MAP1A: variants seen among roughly 807,000 people sequenced by gnomAD.
MAP1A encodes the protein microtubule-associated protein 1A.
MAP1A carries 42 observed loss-of-function variants against 185.9 expected under a neutral mutation model. The observed-to-expected ratio is 0.23, with a 90% confidence interval of 0.18 to 0.29. The LOEUF (loss-of-function observed/expected upper bound fraction) is 0.29. MAP1A is among the 10% of genes least tolerant of loss of function. MAP1A has a pLI of 1.00. For synonymous variants in MAP1A, 1,229 were observed against 1,335.9 expected (o/e 0.92, Z 1.74); for missense variants, 2,995 against 3,450.4 (o/e 0.87, Z 3.31).
At position 43,522,577 on chromosome 15, in the gene MAP1A, G is replaced by A; in HGVS notation, c.1104G>A (p.Glu368=). The part of the protein sequence containing the change: ...KTEKKAKESS[E]KPPEKPAKPE... The stretch of plus-strand genomic sequence containing the variant: ...AGAAGAAGGCAAAAGAGTCATCTGA[G>A]AAGCCCCCAGAGAAGCCTGCCAAGC... The change falls in exon 4 of 6, where the codon GAG becomes GAA. Residue 368 remains glutamate, a synonymous_variant. Transcript: ENST00000300231. This position sits in a 1 kb window ranked among gnomAD's most constrained non-coding sequence, Gnocchi z 5.9. 1 of 1,611,372 alleles carries A rather than the reference G, an allele frequency of 6.2e-7. No individual in the cohort carries two copies. The highest frequency in any genetic ancestry group is 8.5e-7 in the Non-Finnish European group (1 of 1,178,644).
At chr15:43,512,726 C>T (rs985858990), upstream of MAP1A, among the ~76,000 whole-genome samples, 3 of 152,160 alleles carry the variant, frequency 2.0e-5, no homozygotes, top group African/African-American at 7.2e-5. Flanking sequence ...TTAGGCTGCA[C>T]AGGTTTCAGG....
In MAP1A at chr15:43,526,477, C is replaced by G. The variant is rs1255313611; in HGVS notation, c.5004C>G (p.Ala1668=). 1 of 1,614,058 alleles carries G rather than the reference C, an allele frequency of 6.2e-7. No homozygotes were observed. Among genetic ancestry groups the G allele is most frequent in the Non-Finnish European group, 8.5e-7 (1 of 1,180,004 alleles). The change falls in exon 4 of 6, where the codon GCC becomes GCG. Residue 1668 remains alanine, a synonymous_variant. Coordinates refer to ENST00000300231, the MANE Select transcript of MAP1A (RefSeq NM_002373.6). This position sits in a 1 kb window ranked among gnomAD's most constrained non-coding sequence, Gnocchi z 4.7. ...CGGCTGGAGAACAGAAAGAGCTTGCCCCGGCATGGGAGGACACATCTCCTG... is the reference window on the plus strand; with the variant it reads ...CGGCTGGAGAACAGAAAGAGCTTGCGCCGGCATGGGAGGACACATCTCCTG... ...EEPAGEQKEL[A]PAWEDTSPEQ...
In MAP1A at chr15:43,522,171, A is replaced by T. The variant is rs772286968; in HGVS notation, c.698A>T (p.Asn233Ile). The T allele has an allele frequency of 6.2e-7, 1 of 1,614,134 alleles. No individual in the cohort carries two copies. Among genetic ancestry groups the T allele is most frequent in the Non-Finnish European group, 8.5e-7 (1 of 1,180,056 alleles). The change falls in exon 4 of 6, where the codon AAT becomes ATT. Residue 233 changes from asparagine to isoleucine, a missense_variant. Asn to Ile is a moderately radical substitution (Grantham distance 149, BLOSUM62 -3). This residue lies in a region of MAP1A where 264 missense variants were observed against 435.3 expected (regional missense o/e 0.61). Coordinates refer to ENST00000300231, the MANE Select transcript of MAP1A (RefSeq NM_002373.6). This position sits in a 1 kb window ranked among gnomAD's most constrained non-coding sequence, Gnocchi z 5.9. The stretch of plus-strand genomic sequence containing the variant: ...GCCAAGACAGGCATCGTGCTGCCCA[A>T]TGGGAAGGAGGCTGAGATCTCCGTG... ...SKAKTGIVLPNGKEAEISVPY... is the reference protein window; with the variant it reads ...SKAKTGIVLPIGKEAEISVPY...
chr15:43,529,534 A>AGAGTGTGGGTTAGGGCT lies in MAP1A; in HGVS notation c.8035+28_8035+44dup. On this transcript the variant is annotated intron_variant, in intron 4 of 5. Transcript: ENST00000300231. This position sits in a 1 kb window ranked among gnomAD's most constrained non-coding sequence, Gnocchi z 4.3. ...GTAAGTATATCATGAAACTTGGCAGAGAGTGTGGGTTAGGGCTGGGTGTGG... is the reference window on the plus strand; with the variant it reads ...GTAAGTATATCATGAAACTTGGCAGAGAGTGTGGGTTAGGGCTGAGTGTGGGTTAGGGCTGGGTGTGG... The AGAGTGTGGGTTAGGGCT allele has an allele frequency of 6.2e-7, 1 of 1,600,382 alleles. No individual in the cohort carries two copies. Among genetic ancestry groups the AGAGTGTGGGTTAGGGCT allele is most frequent in the Non-Finnish European group, 8.5e-7 (1 of 1,171,260 alleles).
In MAP1A at chr15:43,522,812, G is replaced by A; in HGVS notation, c.1339G>A (p.Glu447Lys). The change falls in exon 4 of 6, where the codon GAG becomes AAG. Residue 447 changes from glutamate to lysine, a missense_variant. Around this residue, in one of 3 missense-constraint regions of MAP1A, gnomAD observed 2,728 missense variants for 2,986.0 expected, o/e 0.91. Transcript: ENST00000300231. This position sits in a 1 kb window ranked among gnomAD's most constrained non-coding sequence, Gnocchi z 5.9. ...KEEKKDAKKE[E>K]KRKDTKPELK... Reference sequence around the variant, plus strand: ...GGAGAAGAAGGATGCCAAGAAGGAGGAGAAGAGGAAAGATACCAAACCTGA... The same window carrying A: ...GGAGAAGAAGGATGCCAAGAAGGAGAAGAAGAGGAAAGATACCAAACCTGA... The A allele has an allele frequency of 4.4e-6, 7 of 1,583,806 alleles. No homozygotes were observed. The highest frequency in any genetic ancestry group is 6.0e-6 in the Non-Finnish European group (7 of 1,163,292).
At position 43,527,072 on chromosome 15, in the gene MAP1A, G is replaced by T; in HGVS notation, c.5599G>T (p.Ala1867Ser). The change falls in exon 4 of 6, where the codon GCC (alanine) becomes TCC (serine). Residue 1867 changes from alanine to serine, a missense_variant. Coordinates refer to ENST00000300231, the MANE Select transcript of MAP1A (RefSeq NM_002373.6). ...CCCAGCTCCTGGTCCCCCCACACCT[G>T]CCCCGGAATCCCATACTCCTGCACC... ...LSPAPGPPTP[A>S]PESHTPAPFS... 6.3e-7 allele frequency: 1 copy of T among 1,579,110 alleles called. No homozygotes were observed. The highest frequency in any genetic ancestry group is 1.7e-5 in the Admixed American group (1 of 57,630).
chr15:43,520,197 G>A (rs368040822), intron 1 of MAP1A, among the ~76,000 whole-genome samples: 10 of 152,246 alleles, frequency 6.6e-5, no homozygotes, highest in East Asian at 5.8e-4. Flanking sequence ...GACACTCTGC[G>A]GGCAGGAAAG....
Position 43,526,913 on chromosome 15 carries a change from C to G in MAP1A, c.5440C>G (p.Pro1814Ala). The change falls in exon 4 of 6, where the codon CCA (proline) becomes GCA (alanine). Residue 1814 changes from proline to alanine, a missense_variant. Around this residue, in one of 3 missense-constraint regions of MAP1A, gnomAD observed 2,728 missense variants for 2,986.0 expected, o/e 0.91. Coordinates refer to ENST00000300231, the MANE Select transcript of MAP1A (RefSeq NM_002373.6). The surrounding 1 kb of genome is among the most constrained non-coding windows in gnomAD (Gnocchi z 4.7). ...EMVGQRVPSAPGQESPIPDPK... is the reference protein window; with the variant it reads ...EMVGQRVPSAAGQESPIPDPK... Reference sequence around the variant, plus strand: ...GGTTGGACAAAGGGTTCCTTCAGCCCCAGGACAAGAGAGTCCTATCCCAGA... The same window carrying G: ...GGTTGGACAAAGGGTTCCTTCAGCCGCAGGACAAGAGAGTCCTATCCCAGA... 1 of 1,614,096 alleles carries G rather than the reference C, an allele frequency of 6.2e-7. No individual in the cohort carries two copies.
chr15:43,524,141 C>T lies in MAP1A; in HGVS notation c.2668C>T (p.Pro890Ser). The change falls in exon 4 of 6, where the codon CCA becomes TCA. Residue 890 changes from proline (P) to serine (S), a missense_variant. Physicochemically the swap from Pro to Ser is moderately conservative, Grantham distance 74. This residue lies in a region of MAP1A where 2,728 missense variants were observed against 2,986.0 expected (regional missense o/e 0.91). Transcript: ENST00000300231. Reference protein sequence around the residue: ...TEATQGLDYVPSAGTISPTSS... With the variant: ...TEATQGLDYVSSAGTISPTSS... ...AGCTACGCAGGGCTTGGACTATGTG[C>T]CATCAGCTGGTACCATCTCACCCAC... 6.2e-7 allele frequency: 1 copy of T among 1,614,180 alleles called. No individual in the cohort carries two copies. Among genetic ancestry groups the T allele is most frequent in the Non-Finnish European group, 8.5e-7 (1 of 1,180,026 alleles).
intron 1 of MAP1A, among the ~76,000 whole-genome samples, chr15:43,518,911 G>C (rs2079309320): frequency 6.6e-6 from 1 of 152,210 alleles, no homozygotes; most frequent in African/African-American, 2.4e-5. Flanking sequence ...CACTCCCAGG[G>C]ATAGAGTGAG....
chr15:43,524,900 C>G lies in MAP1A; in HGVS notation c.3427C>G (p.Arg1143Gly), dbSNP rs1297779693. Residue 1143 changes from arginine (R) to glycine (G), a missense_variant, in exon 4 of 6, where the codon CGA becomes GGA. This residue lies in a region of MAP1A where 2,728 missense variants were observed against 2,986.0 expected (regional missense o/e 0.91). Coordinates refer to ENST00000300231, the MANE Select transcript of MAP1A (RefSeq NM_002373.6). The stretch of plus-strand genomic sequence containing the variant: ...AGATGAGGTGCTCAGATATCCTGAC[C>G]GAAGCCTCTCTCCTGAAGATGCAGA... ...QKDEVLRYPD[R>G]SLSPEDAESL... 1 of 1,614,102 alleles carries G rather than the reference C, an allele frequency of 6.2e-7. No homozygotes were observed. The highest frequency in any genetic ancestry group is 1.1e-5 in the South Asian group (1 of 91,084).
chr15:43,512,566 C>T (rs866917765), intron 2 of MAP1A, among the ~76,000 whole-genome samples: 27 of 152,190 alleles, frequency 1.8e-4, no homozygotes, highest in South Asian at 6.2e-4. Flanking sequence ...AAATGAGGGA[C>T]TCCTCTTAGT....
chr15:43,527,176 A>C lies in MAP1A; in HGVS notation c.5703A>C (p.Pro1901=). The change falls in exon 4 of 6, where the codon CCA becomes CCC. Residue 1901 remains proline (P), a synonymous_variant. Coordinates refer to ENST00000300231, the MANE Select transcript of MAP1A (RefSeq NM_002373.6). ...GGGCAGCTGAGTTGGAAGGTGGGCC[A>C]TACTCCCCCCTGGGGAAGGACTACC... ...QEGAAELEGG[P]YSPLGKDYRK... 1 of 1,613,872 alleles carries C rather than the reference A, an allele frequency of 6.2e-7. No homozygotes were observed. The highest frequency in any genetic ancestry group is 8.5e-7 in the Non-Finnish European group (1 of 1,179,938).
chr15:43,523,156 A>G lies in MAP1A; in HGVS notation c.1683A>G (p.Leu561=), dbSNP rs2079326793. Residue 561 remains leucine (L), a synonymous_variant, in exon 4 of 6, where the codon CTA becomes CTG. Transcript: ENST00000300231. The part of the protein sequence containing the change: ...DTGLGDKPFP[L]DTAEEGPPST... ...GACTAGGAGATAAGCCATTCCCTCT[A>G]GACACTGCAGAGGAGGGACCCCCAA... The G allele has an allele frequency of 6.2e-7, 1 of 1,614,146 alleles. No homozygotes were observed. Among genetic ancestry groups the G allele is most frequent in the East Asian group, 2.2e-5 (1 of 44,874 alleles).
At position 43,526,893 on chromosome 15, in the gene MAP1A, G is replaced by C; in HGVS notation, c.5420G>C (p.Gly1807Ala). 6.2e-7 allele frequency: 1 copy of C among 1,614,078 alleles called. No individual in the cohort carries two copies. Residue 1807 changes from glycine to alanine, a missense_variant, in exon 4 of 6, where the codon GGA becomes GCA. Gly to Ala is a moderately conservative substitution (Grantham distance 60). Around this residue, in one of 3 missense-constraint regions of MAP1A, gnomAD observed 2,728 missense variants for 2,986.0 expected, o/e 0.91. Coordinates refer to ENST00000300231, the MANE Select transcript of MAP1A (RefSeq NM_002373.6). This position sits in a 1 kb window ranked among gnomAD's most constrained non-coding sequence, Gnocchi z 4.7. ...SPPASPPEMV[G>A]QRVPSAPGQE... ...CCAGCTTCCCCACCTGAGATGGTTG[G>C]ACAAAGGGTTCCTTCAGCCCCAGGA...
chr15:43,523,144 G>A lies in MAP1A; in HGVS notation c.1671G>A (p.Lys557=). 1 of 1,614,156 alleles carries A rather than the reference G, an allele frequency of 6.2e-7. No individual in the cohort carries two copies. Among genetic ancestry groups the A allele is most frequent in the Non-Finnish European group, 8.5e-7 (1 of 1,180,036 alleles). ...AEQRDTGLGD[K]PFPLDTAEEG... ...AAAGGGACACAGGACTAGGAGATAA[G>A]CCATTCCCTCTAGACACTGCAGAGG... The change falls in exon 4 of 6, where the codon AAG becomes AAA. Residue 557 remains lysine, a synonymous_variant. Transcript: ENST00000300231.
At position 43,531,330 on chromosome 15, in the gene MAP1A, C is replaced by T. The variant is rs1430103919; in HGVS notation, c.*1106C>T. On this transcript the variant is annotated 3_prime_UTR_variant, in exon 6 of 6. Transcript: ENST00000300231. ...TAACTCCTACAGAGTGAAATGAAAACGGGCTGAAAATACCACCCCAGGAGA... is the reference window on the plus strand; with the variant it reads ...TAACTCCTACAGAGTGAAATGAAAATGGGCTGAAAATACCACCCCAGGAGA... 1 of 152,684 alleles carries T rather than the reference C, an allele frequency of 6.5e-6. No homozygotes were observed. The highest frequency in any genetic ancestry group is 6.5e-5 in the Admixed American group (1 of 15,286). 9.5% of individuals were successfully genotyped at this position (152,684 alleles called of 1,614,324 possible). A position where few individuals can be genotyped will look rare whatever the true frequency, so the allele number is the denominator to read the frequency against.
chr15:43,522,865 A>G lies in MAP1A; in HGVS notation c.1392A>G (p.Leu464=). 6.2e-7 allele frequency: 1 copy of G among 1,608,814 alleles called. No individual in the cohort carries two copies. The highest frequency in any genetic ancestry group is 1.1e-5 in the South Asian group (1 of 90,220). ...TCAAGAAGATTTCCAAGCCAGACCTAAAGCCCTTTACTCCTGAGGTACGTA... is the reference window on the plus strand; with the variant it reads ...TCAAGAAGATTTCCAAGCCAGACCTGAAGCCCTTTACTCCTGAGGTACGTA... ...PELKKISKPD[L]KPFTPEVRKT... The change falls in exon 4 of 6, where the codon CTA becomes CTG. Residue 464 remains leucine (L), a synonymous_variant. Transcript: ENST00000300231. This position sits in a 1 kb window ranked among gnomAD's most constrained non-coding sequence, Gnocchi z 5.9.
chr15:43,524,488 C>T lies in MAP1A; in HGVS notation c.3015C>T (p.Ala1005=). 6.2e-7 allele frequency: 1 copy of T among 1,614,178 alleles called. No homozygotes were observed. Among genetic ancestry groups the T allele is most frequent in the Admixed American group, 1.7e-5 (1 of 60,024 alleles). ...CTCCACCATCTGGCCCACCCAGTGC[C>T]ACCCACACACCCTTTCATCAGTCCC... The part of the protein sequence containing the change: ...ASPPPSGPPS[A]THTPFHQSPV... The change falls in exon 4 of 6, where the codon GCC becomes GCT. Residue 1005 remains alanine, a synonymous_variant. Transcript: ENST00000300231.
Sources: allele counts gnomAD v4.1 joint callset (sites outside exome capture counted in the v4.1 genomes callset), GRCh38; gene constraint gnomAD v4.1.1; regional missense constraint gnomAD v4.1.1; non-coding constraint Gnocchi (gnomAD v3.1); transcripts MANE v1.5; gene names NCBI Gene and HGNC (gene_info 2026-07-23, HGNC 2026-07-21).